Variants in DCST2 observed in about 807,000 individuals in gnomAD.
The protein encoded by DCST2 is DC-STAMP domain containing 2.
Under a neutral mutation model 81.8 loss-of-function variants are expected in DCST2, and 64 were observed. That is an observed-to-expected ratio of 0.78 (90% CI 0.64 to 0.96). The LOEUF (loss-of-function observed/expected upper bound fraction) is 0.96, where lower values mean the gene tolerates loss of function less well. Ranked by LOEUF, DCST2 falls within the 40% of genes least tolerant of loss-of-function variation. DCST2 has a pLI of 0.00. For missense variants in DCST2, 945 were observed against 1,001.4 expected (o/e 0.94, Z 0.76); for synonymous variants, 354 against 402.6 (o/e 0.88, Z 1.44).
rs751187024 is a variant in DCST2, at chr1:155,033,442, G to T, written c.260C>A (p.Ala87Asp). The T allele has an allele frequency of 6.2e-7, 1 of 1,613,348 alleles. No individual in the cohort carries two copies. Among genetic ancestry groups the T allele is most frequent in the Non-Finnish European group, 8.5e-7 (1 of 1,179,492 alleles). ...RATVLLLLPQ[A>D]FSRQGRTLLL... ...CTGGGTGCCAAGCTCACTGGAGAAG[G>T]CCTGAGGCAGCAGCAGGAGGACAGT... The change falls in exon 1 of 15, where the codon GCC (alanine) becomes GAC (aspartate). Residue 87 changes from alanine to aspartate, a missense_variant. By Grantham distance (126) the Ala-to-Asp change is moderately radical. Coordinates refer to ENST00000368424, the MANE Select transcript of DCST2 (RefSeq NM_144622.3).
rs1283214365 is a variant in DCST2, at chr1:155,031,265, G to A, written c.740-31C>T. ...GGGCGGAGTCGGCTGAGTGTCGGAA[G>A]GAGGGGCACAGCCAGGCCTGCCCCC... On this transcript the variant is annotated intron_variant, in intron 4 of 14. Coordinates refer to ENST00000368424, the MANE Select transcript of DCST2 (RefSeq NM_144622.3). 1.0e-5 allele frequency: 16 copies of A among 1,548,130 alleles called. No homozygotes were observed. In the South Asian group the frequency reaches 2.0e-4, roughly 19 times the overall value.
chr1:155,029,583 C>T (rs1216381423), intron 7 of DCST2, among the ~76,000 whole-genome samples, 186 bp from the exon 8 acceptor site: 1 of 152,124 alleles, frequency 6.6e-6, no homozygotes, highest in African/African-American at 2.4e-5. Flanking sequence ...GAGGGGGCTC[C>T]GTGGCTAGAA....
At position 155,033,719 on chromosome 1, in the gene DCST2, G is replaced by A. The variant is rs1571555494; in HGVS notation, c.-18C>T. On this transcript the variant is annotated 5_prime_UTR_variant, in exon 1 of 15. Coordinates refer to ENST00000368424, the MANE Select transcript of DCST2 (RefSeq NM_144622.3). ...TTGGGCATGGCTGCTGAGACCAAAT[G>A]TCTGCCTGTCTCCAGGAGATGCCCG... The A allele has an allele frequency of 1.9e-6, 3 of 1,606,778 alleles. No homozygotes were observed. The highest frequency in any genetic ancestry group is 2.2e-5 in the East Asian group (1 of 44,698).
At position 155,026,374 on chromosome 1, in the gene DCST2, G is replaced by A. The variant is rs758642669; in HGVS notation, c.1539C>T (p.Ile513=). The A allele has an allele frequency of 1.9e-6, 3 of 1,613,834 alleles. No homozygotes were observed. In the South Asian group the frequency reaches 3.3e-5, roughly 18 times the overall value. ...GGCTGACATAGCTGCCAAACAGGGT[G>A]ATGAAGAAGCATAGGCCATACATGA... ...IGVMYGLCFF[I]TLFGSYVSRL... The change falls in exon 10 of 15, where the codon ATC becomes ATT. Residue 513 remains isoleucine, a synonymous_variant. Transcript: ENST00000368424.
intron 10 of DCST2, 29 bp from the exon 11 acceptor site, chr1:155,024,631 C>G (rs1244859331): frequency 6.4e-7 from 1 of 1,558,394 alleles, no homozygotes; most frequent in African/African-American, 1.4e-5. Flanking sequence ...GGATGGGGTC[C>G]CACTTGACCC....
In DCST2 at chr1:155,033,204, G is replaced by C; in HGVS notation, c.329C>G (p.Ala110Gly). 6.2e-7 allele frequency: 1 copy of C among 1,614,000 alleles called. No individual in the cohort carries two copies. Among genetic ancestry groups the C allele is most frequent in the Non-Finnish European group, 8.5e-7 (1 of 1,179,942 alleles). Residue 110 changes from alanine (A) to glycine (G), a missense_variant, in exon 2 of 15, where the codon GCC becomes GGC. By Grantham distance (60) the Ala-to-Gly change is moderately conservative (BLOSUM62 0). Transcript: ENST00000368424. ...AFGLVLQGPCANTLRNFTRAS... is the reference protein window; with the variant it reads ...AFGLVLQGPCGNTLRNFTRAS... ...CCGGGTGAAGTTGCGTAGAGTGTTG[G>C]CACAAGGCCCTTGAAGCACCAACCC...
At chr1:155,025,651 C>T (rs1248565130) in intron 10 of DCST2, among the ~76,000 whole-genome samples, 1 of 151,894 alleles carries the variant, frequency 6.6e-6, no homozygotes, top group South Asian at 2.1e-4. Flanking sequence ...TTAATTACAC[C>T]TCAACATGCC....
chr1:155,030,249 G>A lies in DCST2; in HGVS notation c.1020-8C>T, dbSNP rs967730219. On this transcript the variant is annotated splice_polypyrimidine_tract_variant and splice_region_variant and intron_variant, in intron 6 of 14. Transcript: ENST00000368424. ...TACCGGTAAAATAGGGCTCTGGGAAGGGGAGGTGGAGCACATGTGAGGCCC... is the reference window on the plus strand; with the variant it reads ...TACCGGTAAAATAGGGCTCTGGGAAAGGGAGGTGGAGCACATGTGAGGCCC... 9.3e-6 allele frequency: 15 copies of A among 1,613,944 alleles called. No homozygotes were observed. Among genetic ancestry groups the A allele is most frequent in the South Asian group, 2.2e-5 (2 of 91,056 alleles).
At position 155,030,187 on chromosome 1, in the gene DCST2, G is replaced by C. The variant is rs748879555; in HGVS notation, c.1074C>G (p.Tyr358Ter). Reference protein sequence around the residue: ...YLNWDHYDNIYITSRFLRMEA... With the variant: ...YLNWDHYDNI Reference sequence around the variant, plus strand: ...CCATGCGCAGGAATCGGCTAGTGATGTAGATATTGTCATAATGGTCCCAGT... The same window carrying C: ...CCATGCGCAGGAATCGGCTAGTGATCTAGATATTGTCATAATGGTCCCAGT... The change falls in exon 7 of 15, where the codon TAC (tyrosine) becomes TAG (stop). Residue 358 changes from tyrosine to a stop codon, truncating the protein, a stop_gained. Coordinates refer to ENST00000368424, the MANE Select transcript of DCST2 (RefSeq NM_144622.3). LOFTEE classifies it high-confidence loss of function. 1.9e-6 allele frequency: 3 copies of C among 1,614,066 alleles called. No homozygotes were observed.
Position 155,033,522 on chromosome 1 carries a change from G to A in DCST2, c.180C>T (p.Leu60=). Reference sequence around the variant, plus strand: ...CCAGGCTAAGGAAGGCAGCCAAAGTGAGGGTGCCCACCAGGCAACCCCAGG... The same window carrying A: ...CCAGGCTAAGGAAGGCAGCCAAAGTAAGGGTGCCCACCAGGCAACCCCAGG... ...HSPWGCLVGT[L]TLAAFLSLGM... is the part of the protein sequence containing the mutation. The change falls in exon 1 of 15, where the codon CTC becomes CTT. Residue 60 remains leucine, a synonymous_variant. Coordinates refer to ENST00000368424, the MANE Select transcript of DCST2 (RefSeq NM_144622.3). 6.2e-7 allele frequency: 1 copy of A among 1,614,080 alleles called. No individual in the cohort carries two copies. The highest frequency in any genetic ancestry group is 8.5e-7 in the Non-Finnish European group (1 of 1,179,988).
At chr1:155,024,070 A>T in intron 11 of DCST2, 111 bp from the exon 12 acceptor site, 1 of 1,411,362 alleles carries the variant, frequency 7.1e-7, no homozygotes, top group South Asian at 1.4e-5. Context: ...CCTGCAGTAC[A>T]TCCTCCATCC....
intron 8 of DCST2, among the ~76,000 whole-genome samples, chr1:155,027,926 T>TTTA (rs1025615169): frequency 6.7e-6 from 1 of 150,234 alleles, no homozygotes; most frequent in African/African-American, 2.5e-5. Flanking sequence ...TTTATTTTAT[T>TTTA]TTATTATTAT....
rs1225707138 is a variant in DCST2 at position 155,023,964 on chromosome 1, G to C, written c.1743-5C>G. Reference sequence around the variant, plus strand: ...AATGGACCTAGGCAGGGGCACCTGAGAAAAGGGTCACAGACACTAAGCAGG... The same window carrying C: ...AATGGACCTAGGCAGGGGCACCTGACAAAAGGGTCACAGACACTAAGCAGG... On this transcript the variant is annotated splice_polypyrimidine_tract_variant and splice_region_variant and intron_variant, in intron 11 of 14. Coordinates refer to ENST00000368424, the MANE Select transcript of DCST2 (RefSeq NM_144622.3). The C allele has an allele frequency of 6.2e-7, 1 of 1,611,996 alleles. No individual in the cohort carries two copies. Among genetic ancestry groups the C allele is most frequent in the East Asian group, 2.2e-5 (1 of 44,872 alleles).
rs1209697729 is a variant in DCST2, at chr1:155,023,230, C to G, written c.1992G>C (p.Gln664His). 1 of 1,614,194 alleles carries G rather than the reference C, an allele frequency of 6.2e-7. No individual in the cohort carries two copies. Among genetic ancestry groups the G allele is most frequent in the Non-Finnish European group, 8.5e-7 (1 of 1,180,042 alleles). The change falls in exon 14 of 15, where the codon CAG (glutamine) becomes CAC (histidine). Residue 664 changes from glutamine to histidine, a missense_variant. Physicochemically the swap from Gln to His is conservative, Grantham distance 24 (BLOSUM62 0). Transcript: ENST00000368424. Reference protein sequence around the residue: ...ELDSSDEEGPQLWLAAAQRKD... With the variant: ...ELDSSDEEGPHLWLAAAQRKD... ...TCCTTTGAGCTGCAGCCAGCCATAG[C>G]TGAGGGCCCTCCTCATCGCTGGAGT... is the stretch of plus-strand genomic sequence containing the variant.
In DCST2 at chr1:155,026,542, T is replaced by C; in HGVS notation, c.1510+6A>G. The C allele has an allele frequency of 6.2e-7, 1 of 1,614,130 alleles. No individual in the cohort carries two copies. On this transcript the variant is annotated splice_donor_region_variant and intron_variant, in intron 9 of 14. Transcript: ENST00000368424. ...GCCCCCAGGGACCTCAGGGTGTAGT[T>C]GATACCAATGACTATGTAGCCAGTG...
Position 155,031,717 on chromosome 1 carries a change from T to A in DCST2, c.596A>T (p.Asn199Ile), listed in dbSNP as rs752797871. 60 of 1,613,920 alleles carry A rather than the reference T, an allele frequency of 3.7e-5. No homozygotes were observed. Among genetic ancestry groups the A allele is most frequent in the Non-Finnish European group, 4.2e-6 (5 of 1,180,044 alleles). ...CAGGTAAGGGTTGCCCAGTTCCGAG[T>A]TGCACACATCGCCGATGTGCAGGAG... Reference protein sequence around the residue: ...QWLLHIGDVCNSELGNPYLKC... With the variant: ...QWLLHIGDVCISELGNPYLKC... Residue 199 changes from asparagine to isoleucine, a missense_variant, in exon 4 of 15, where the codon AAC becomes ATC. By Grantham distance (149) the Asn-to-Ile change is moderately radical. Transcript: ENST00000368424.
intron 4 of DCST2, 152 bp from the exon 5 acceptor site, chr1:155,031,386 C>T: frequency 9.6e-7 from 1 of 1,041,804 alleles, no homozygotes. Flanking sequence ...TGTCGCCCTT[C>T]TCTCCCAACA....
In DCST2 at chr1:155,030,493, G is replaced by A. The variant is rs1241056153; in HGVS notation, c.958C>T (p.Arg320Ter). Reference sequence around the variant, plus strand: ...AAGCCCATCAGAGCCAGGGCCTCTCGGACACGGTGCAGCTTCATGCTGACA... The same window carrying A: ...AAGCCCATCAGAGCCAGGGCCTCTCAGACACGGTGCAGCTTCATGCTGACA... Reference protein sequence around the residue: ...EAVSMKLHRVREALALMGFTT... With the variant: ...EAVSMKLHRV The change falls in exon 6 of 15, where the codon CGA becomes TGA. Residue 320 changes from arginine (R) to a stop codon, truncating the protein, a stop_gained. Transcript: ENST00000368424. LOFTEE classifies it high-confidence loss of function. The A allele has an allele frequency of 6.2e-6, 10 of 1,614,034 alleles. No homozygotes were observed. Among genetic ancestry groups the A allele is most frequent in the Non-Finnish European group, 8.5e-6 (10 of 1,180,008 alleles).
chr1:155,030,353 G>A, intron 6 of DCST2, 79 bp downstream of exon 6: 2 of 1,594,852 alleles, frequency 1.3e-6, no homozygotes, highest in South Asian at 1.1e-5. Flanking sequence ...GCTGGGGCAG[G>A]GAGAAATGAG....
Sources: gnomAD v4.1 joint callset for allele counts (sites outside exome capture counted in the v4.1 genomes callset) on GRCh38, gnomAD v4.1.1 for gene constraint, MANE v1.5 for transcripts, NCBI Gene and HGNC (gene_info 2026-07-23, HGNC 2026-07-21) for gene names.